SPTLC2: variants seen among roughly 807,000 people sequenced by gnomAD.
The protein encoded by SPTLC2 is serine palmitoyltransferase 2.
In SPTLC2, 21 loss-of-function variants were observed where a neutral mutation model predicts 62.0. The observed-to-expected ratio is 0.34, with a 90% CI of 0.24 to 0.49. The LOEUF is 0.49. Ranked by LOEUF, SPTLC2 falls within the 20% of genes least tolerant of loss-of-function variation. The pLI is 0.99. For synonymous variants in SPTLC2, 261 were observed against 261.8 expected, an observed-to-expected ratio of 1.00 and a Z score of 0.03; for missense variants, 511 against 713.0, an observed-to-expected ratio of 0.72 and a Z score of 3.23.
At chr14:77,577,943 G>C (rs1427939338) in intron 3 of SPTLC2, among the ~76,000 whole-genome samples, 1 of 151,820 alleles carries the variant, frequency 6.6e-6, no homozygotes, top group Non-Finnish European at 1.5e-5. Context: ...CCAGGAGTTC[G>C]AGACCAGCCT....
At chr14:77,571,885 G>A (rs1434611703) in intron 4 of SPTLC2, among the ~76,000 whole-genome samples, 1 of 152,050 alleles carries the variant, frequency 6.6e-6, no homozygotes, top group Non-Finnish European at 1.5e-5. Flanking sequence ...CCACCTCCTG[G>A]GTTCAAGCAA....
intron 9 of SPTLC2, among the ~76,000 whole-genome samples, chr14:77,525,170 T>C (rs2079402834): frequency 6.6e-6 from 1 of 152,204 alleles, no homozygotes; most frequent in South Asian, 2.1e-4. Flanking sequence ...GGTGTGATTC[T>C]GGCTACTTGG....
intron 9 of SPTLC2, among the ~76,000 whole-genome samples, chr14:77,530,781 C>G (rs2079434237): frequency 6.6e-6 from 1 of 152,108 alleles, no homozygotes; most frequent in Non-Finnish European, 1.5e-5. Flanking sequence ...CTTCTGGTTT[C>G]AAAGACTGGA....
At chr14:77,605,863 C>G (rs2267748) in intron 1 of SPTLC2, among the ~76,000 whole-genome samples, 1 of 152,020 alleles carries the variant, frequency 6.6e-6, no homozygotes, top group African/African-American at 2.4e-5. Context: ...AAACATACAA[C>G]GGATCCCACT....
Position 77,544,508 on chromosome 14 carries a change from A to G in SPTLC2, c.1303+7588T>C, listed in dbSNP as rs571949577. On this transcript the variant is annotated intron_variant, in intron 9 of 11. Transcript: ENST00000216484. ...GGGAGGCCTCGCCTTGAGATACTCA[A>G]TGGGTCTACAGAAGGTCTCTAACAC... 3.9e-5 allele frequency among the ~76,000 whole-genome samples: 6 copies of G among 152,316 alleles called. No individual in the cohort carries two copies. In the East Asian group the frequency reaches 7.7e-4, roughly 20 times the overall value.
At chr14:77,577,883 G>C (rs1761211428) in intron 3 of SPTLC2, among the ~76,000 whole-genome samples, 1 of 151,540 alleles carries the variant, frequency 6.6e-6, no homozygotes, top group Non-Finnish European at 1.5e-5. Context: ...CTGGGTGACA[G>C]AGCAAGACTC....
chr14:77,588,150 G>A (rs1416312000), intron 2 of SPTLC2, among the ~76,000 whole-genome samples: 2 of 151,920 alleles, frequency 1.3e-5, no homozygotes, highest in Non-Finnish European at 2.9e-5. Flanking sequence ...TGTTGCCCAC[G>A]CCAGTCTAAA....
chr14:77,554,097 T>C (rs767447050), intron 8 of SPTLC2, among the ~76,000 whole-genome samples: 21 of 152,292 alleles, frequency 1.4e-4, no homozygotes, highest in Non-Finnish European at 2.6e-4. Flanking sequence ...GGATTACAGG[T>C]GTGAGCTACT....
chr14:77,551,477 C>T (rs79921087), intron 9 of SPTLC2, among the ~76,000 whole-genome samples: 3,457 of 151,730 alleles, frequency 0.023, 124 homozygotes, highest in African/African-American at 0.08. Context: ...AAGACAGACA[C>T]CCAGTTGCTC....
At chr14:77,552,332 T>A (rs770917043) in intron 8 of SPTLC2, 110 bp from the exon 9 acceptor site, 1 of 1,278,098 alleles carries the variant, frequency 7.8e-7, no homozygotes. Context: ...GGCACTGGAA[T>A]AGGGACACTA....
At chr14:77,575,470 A>G (rs1594999676) in intron 4 of SPTLC2, among the ~76,000 whole-genome samples, 1 of 152,210 alleles carries the variant, frequency 6.6e-6, no homozygotes, top group Non-Finnish European at 1.5e-5. Flanking sequence ...TAGAAGAGGC[A>G]TAAATGATAC....
chr14:77,560,632 T>TAA (rs2079609625), intron 6 of SPTLC2, among the ~76,000 whole-genome samples: 1 of 5,164 alleles, frequency 1.9e-4, no homozygotes, highest in African/African-American at 5.0e-4. Context: ...AAAATAAAAA[T>TAA]ATATATATAT....
At chr14:77,598,070 C>T (rs1049491484) in intron 1 of SPTLC2, among the ~76,000 whole-genome samples, 1 of 144,384 alleles carries the variant, frequency 6.9e-6, no homozygotes, top group Admixed American at 7.3e-5. Context: ...TGTGGGGAGC[C>T]GAGATCAAGC....
intron 9 of SPTLC2, among the ~76,000 whole-genome samples, chr14:77,530,686 G>C (rs1284008546): frequency 6.6e-6 from 1 of 152,142 alleles, no homozygotes; most frequent in Non-Finnish European, 1.5e-5. Context: ...ATATTTAAGA[G>C]TTATGTTACA....
intron 3 of SPTLC2, among the ~76,000 whole-genome samples, chr14:77,577,644 A>G (rs745974901): frequency 1.3e-5 from 2 of 152,228 alleles, no homozygotes; most frequent in African/African-American, 2.4e-5. Context: ...TCACGCCTGT[A>G]ATCCCAGCAC....
intron 2 of SPTLC2, among the ~76,000 whole-genome samples, 193 bp from the exon 3 acceptor site, chr14:77,579,302 T>G (rs1008138550): frequency 6.6e-6 from 1 of 152,178 alleles, no homozygotes; most frequent in Non-Finnish European, 1.5e-5. Context: ...ATGGTACCCA[T>G]TAAGTAATTT....
chr14:77,575,358 A>C (rs1437535253), intron 4 of SPTLC2, among the ~76,000 whole-genome samples: 1 of 152,170 alleles, frequency 6.6e-6, no homozygotes, highest in African/African-American at 2.4e-5. Context: ...TGGAAGATTA[A>C]ATATGGATGC....
At chr14:77,593,689 A>G (rs535499220) in intron 2 of SPTLC2, among the ~76,000 whole-genome samples, 1 of 152,316 alleles carries the variant, frequency 6.6e-6, no homozygotes, top group East Asian at 1.9e-4. Context: ...GAATTAACAC[A>G]GTTAAACTGG....
At chr14:77,578,875 T>A in intron 3 of SPTLC2, 80 bp downstream of exon 3, 3 of 1,491,540 alleles carry the variant, frequency 2.0e-6, no homozygotes, top group Non-Finnish European at 1.9e-6. Flanking sequence ...GAGAGAATAC[T>A]CAATTTATAA....
Sources: gnomAD v4.1 joint callset for allele counts (sites outside exome capture counted in the v4.1 genomes callset) on GRCh38, gnomAD v4.1.1 for gene constraint, MANE v1.5 for transcripts, NCBI Gene and HGNC (gene_info 2026-07-23, HGNC 2026-07-21) for gene names.